Variants in SMAD2 observed in about 807,000 individuals in gnomAD.
The protein encoded by SMAD2 is MAD homolog 2.
In SMAD2, 8 loss-of-function variants were observed where a neutral mutation model predicts 64.4. That is an observed-to-expected ratio of 0.12 (90% CI 0.07 to 0.22). The LOEUF is 0.22. SMAD2 is among the 10% of genes least tolerant of loss of function. SMAD2 has a pLI of 1.00. For missense variants in SMAD2, 289 were observed against 561.2 expected (o/e 0.51, Z 4.90); for synonymous variants, 203 against 195.8 (o/e 1.04, Z -0.31).
rs372903520 is a variant in SMAD2 at position 47,831,542 on chromosome 18, A to G, written c.*10285T>C. On this transcript the variant is annotated 3_prime_UTR_variant, in exon 11 of 11. Transcript: ENST00000262160. ...AAACTATTGAAGACAGACTGTAAAAACTGGCAAATCCCCATCTCAAATTCC... is the reference window on the plus strand; with the variant it reads ...AAACTATTGAAGACAGACTGTAAAAGCTGGCAAATCCCCATCTCAAATTCC... 2.6e-4 allele frequency: 40 copies of G among 152,374 alleles called. No homozygotes were observed. The highest frequency in any genetic ancestry group is 9.4e-4 in the African/African-American group (39 of 41,594). The allele number at this position is 152,374 out of a possible 1,614,324, so 9.4% of individuals were successfully genotyped here. A position where few individuals can be genotyped will look rare whatever the true frequency, so the allele number is the denominator to read the frequency against.
intron 5 of SMAD2, among the ~76,000 whole-genome samples, chr18:47,867,699 TATC>T (rs2031664586): frequency 6.7e-6 from 1 of 149,198 alleles, no homozygotes; most frequent in African/African-American, 2.5e-5. Context: ...AAAGGCCAGA[TATC>T]ATATCGTGGA....
Position 47,869,253 on chromosome 18 carries a change from A to C in SMAD2, c.510T>G (p.Val170=), listed in dbSNP as rs992120753. 10 of 1,612,920 alleles carry C rather than the reference A, an allele frequency of 6.2e-6. No individual in the cohort carries two copies. In the Admixed American group the frequency reaches 1.5e-4, roughly 24 times the overall value. ...VCVNPYHYQR[V]ETPVLPPVLV... is the part of the protein sequence containing the mutation. ...TTGCAATATTCCTACCTGGTGTCTC[A>C]ACTCTCTGATAGTGGTAAGGGTTTA... The change falls in exon 4 of 11, where the codon GTT becomes GTG. Residue 170 remains valine (V), a synonymous_variant. Transcript: ENST00000262160.
In SMAD2 at chr18:47,811,937, T is replaced by C. The variant is rs1912219698; in HGVS notation, c.*29890A>G. On this transcript the variant is annotated 3_prime_UTR_variant, in exon 11 of 11. Coordinates refer to ENST00000262160, the MANE Select transcript of SMAD2 (RefSeq NM_005901.6). ...GTAGCATATATAAAAAGGAAATGTT[T>C]GGGAAAAAGTGATTTTAGCCTCTGA... is the stretch of plus-strand genomic sequence containing the variant. 6.6e-6 allele frequency: 1 copy of C among 152,210 alleles called. No individual in the cohort carries two copies. The highest frequency in any genetic ancestry group is 1.5e-5 in the Non-Finnish European group (1 of 68,042). The allele number at this position is 152,210 out of a possible 1,614,324, so 9.4% of individuals were successfully genotyped here. A position where few individuals can be genotyped will look rare whatever the true frequency, so the allele number is the denominator to read the frequency against.
intron 1 of SMAD2, among the ~76,000 whole-genome samples, chr18:47,925,611 A>C (rs1185250224): frequency 6.6e-6 from 1 of 152,258 alleles, no homozygotes; most frequent in Non-Finnish European, 1.5e-5. Context: ...AACTGAATAC[A>C]TCACAATTAC....
At chr18:47,924,379 C>T (rs1225325418) in intron 1 of SMAD2, among the ~76,000 whole-genome samples, 3 of 151,988 alleles carry the variant, frequency 2.0e-5, no homozygotes, top group African/African-American at 7.3e-5. Context: ...AGAAGGCTCA[C>T]GGGCCCAGCT....
At chr18:47,875,125 T>C (rs16958575) in intron 2 of SMAD2, among the ~76,000 whole-genome samples, 8,606 of 152,204 alleles carry the variant, frequency 0.057, 624 homozygotes, top group East Asian at 0.21. Flanking sequence ...CATGAACCTT[T>C]GGTACCAATT....
chr18:47,861,887 T>C (rs930336067), intron 6 of SMAD2, among the ~76,000 whole-genome samples: 1 of 152,226 alleles, frequency 6.6e-6, no homozygotes. Flanking sequence ...TAAATATCAG[T>C]CCTATTAATA....
At chr18:47,856,686 T>C (rs1414697978) in intron 6 of SMAD2, among the ~76,000 whole-genome samples, 1 of 152,170 alleles carries the variant, frequency 6.6e-6, no homozygotes, top group Non-Finnish European at 1.5e-5. Flanking sequence ...CTCTAGAATC[T>C]GACATCCTAC....
At chr18:47,913,278 C>A (rs1422456652) in intron 1 of SMAD2, among the ~76,000 whole-genome samples, 2 of 152,144 alleles carry the variant, frequency 1.3e-5, no homozygotes, top group Admixed American at 6.5e-5. Flanking sequence ...TCCTGGGGAT[C>A]TAAAAGTTTT....
chr18:47,886,847 G>A (rs1412700946), intron 2 of SMAD2: 1 of 158,088 alleles, frequency 6.3e-6, no homozygotes, highest in Non-Finnish European at 1.4e-5. Flanking sequence ...GATGATAATA[G>A]AAGAAAACTG....
intron 2 of SMAD2, among the ~76,000 whole-genome samples, chr18:47,877,806 T>C (rs1025625923): frequency 3.9e-5 from 6 of 152,090 alleles, no homozygotes; most frequent in African/African-American, 7.2e-5. Flanking sequence ...TCTTGAAAAT[T>C]TGAGATATTC....
At position 47,930,584 on chromosome 18, in the gene SMAD2, G is replaced by GGAGGGGAGGA. The variant is rs2034972754; in HGVS notation, c.-287_-278dup. On this transcript the variant is annotated 5_prime_UTR_variant, in exon 1 of 11. Coordinates refer to ENST00000262160, the MANE Select transcript of SMAD2 (RefSeq NM_005901.6). ...GGAGGGTAGGGGAAGAGAGGGGAGG[G>GGAGGGGAGGA]GAGGGGAGGAGAGGGAAGGGGAGGG... is the stretch of plus-strand genomic sequence containing the variant. 6.7e-6 allele frequency: 1 copy of GGAGGGGAGGA among 149,872 alleles called. No homozygotes were observed. Among genetic ancestry groups the GGAGGGGAGGA allele is most frequent in the African/African-American group, 2.4e-5 (1 of 40,896 alleles). 9.3% of individuals were successfully genotyped at this position (149,872 alleles called of 1,614,324 possible).
intron 1 of SMAD2, among the ~76,000 whole-genome samples, chr18:47,907,728 G>C (rs755562761): frequency 6.6e-6 from 1 of 152,126 alleles, no homozygotes; most frequent in Non-Finnish European, 1.5e-5. Context: ...GAGGCAGACA[G>C]ATTGCTTGAT....
chr18:47,847,676 T>C (rs1004993095), intron 8 of SMAD2, among the ~76,000 whole-genome samples: 1 of 110,382 alleles, frequency 9.1e-6, no homozygotes, highest in Non-Finnish European at 1.8e-5. Context: ...TTTTTGTCTA[T>C]GAAAAACAAC....
intron 2 of SMAD2, among the ~76,000 whole-genome samples, chr18:47,883,678 T>A (rs982856803): frequency 1.3e-5 from 2 of 152,204 alleles, no homozygotes; most frequent in African/African-American, 4.8e-5. Context: ...GACTCCCTGA[T>A]GTTGGTGATT....
At position 47,834,528 on chromosome 18, in the gene SMAD2, G is replaced by T; in HGVS notation, c.*7299C>A. On this transcript the variant is annotated 3_prime_UTR_variant, in exon 11 of 11. Transcript: ENST00000262160. ...CGTTCCTTAATATCACTAGAGAAAA[G>T]GTAAGAACTTTCAAGGGCATAACCT... 1 of 205,736 alleles carries T rather than the reference G, an allele frequency of 4.9e-6. No individual in the cohort carries two copies. The allele number at this position is 205,736 out of a possible 1,614,324, so 12.7% of individuals were successfully genotyped here.
intron 1 of SMAD2, among the ~76,000 whole-genome samples, chr18:47,902,064 C>G (rs146543480): frequency 6.6e-6 from 1 of 152,128 alleles, no homozygotes; most frequent in Non-Finnish European, 1.5e-5. Flanking sequence ...TGGTTTATCT[C>G]TTCCGCCCAG....
chr18:47,894,342 A>G (rs1284516142), intron 2 of SMAD2, among the ~76,000 whole-genome samples: 2 of 152,190 alleles, frequency 1.3e-5, no homozygotes, highest in East Asian at 3.8e-4. Flanking sequence ...CTTGAAATTA[A>G]TCTGACTTCT....
rs982252066 is a variant in SMAD2, at chr18:47,837,027, C to T, written c.*4800G>A. ...ATGCCCCAAGATGGAAATCTGGTAT[C>T]GTAGGGAAAACATTGGCTGCAACTG... On this transcript the variant is annotated 3_prime_UTR_variant, in exon 11 of 11. Transcript: ENST00000262160. 3 of 210,574 alleles carry T rather than the reference C, an allele frequency of 1.4e-5. No homozygotes were observed. Among genetic ancestry groups the T allele is most frequent in the African/African-American group, 4.5e-5 (2 of 44,036 alleles). 13.0% of individuals were successfully genotyped at this position (210,574 alleles called of 1,614,324 possible).
Sources: allele counts gnomAD v4.1 joint callset (sites outside exome capture counted in the v4.1 genomes callset), GRCh38; gene constraint gnomAD v4.1.1; transcripts MANE v1.5; gene names NCBI Gene and HGNC (gene_info 2026-07-23, HGNC 2026-07-21).